The following TRAPPC10 variants were observed in gnomAD, a reference collection of about 807,000 sequenced individuals.
The protein encoded by TRAPPC10 is TRAPP 130 kDa subunit.
Under a neutral mutation model 125.5 loss-of-function variants are expected in TRAPPC10, and 23 were observed. The observed-to-expected ratio is 0.18, with a 90% CI of 0.13 to 0.26. The LOEUF (loss-of-function observed/expected upper bound fraction) is 0.26. TRAPPC10 is among the 10% of genes least tolerant of loss of function. The pLI is 1.00. For missense variants in TRAPPC10, 1,123 were observed against 1,308.4 expected, an observed-to-expected ratio of 0.86 and a Z score of 2.19; for synonymous variants, 509 against 518.0, an observed-to-expected ratio of 0.98 and a Z score of 0.24.
At position 44,063,642 on chromosome 21, in the gene TRAPPC10, C is replaced by T; in HGVS notation, c.895C>T (p.Arg299Ter). The T allele has an allele frequency of 6.2e-7, 1 of 1,614,196 alleles. No individual in the cohort carries two copies. Among genetic ancestry groups the T allele is most frequent in the African/African-American group, 1.3e-5 (1 of 75,046 alleles). The change falls in exon 7 of 23, where the codon CGA (arginine) becomes TGA (stop). Residue 299 changes from arginine to a stop codon, truncating the protein, a stop_gained. Coordinates refer to ENST00000291574, the MANE Select transcript of TRAPPC10 (RefSeq NM_003274.5). LOFTEE classifies it high-confidence loss of function. This position sits in a 1 kb window ranked among gnomAD's most constrained non-coding sequence, Gnocchi z 4.4. Reference protein sequence around the residue: ...DMEKRESIQRREATLLDLRSY... With the variant: ...DMEKRESIQR ...GGAGAAGCGGGAATCGATCCAGAGGCGAGAAGCCACCCTGTTAGATCTGCG... is the reference window on the plus strand; with the variant it reads ...GGAGAAGCGGGAATCGATCCAGAGGTGAGAAGCCACCCTGTTAGATCTGCG...
chr21:44,050,401 G>T (rs1178710212), intron 3 of TRAPPC10, among the ~76,000 whole-genome samples: 1 of 152,102 alleles, frequency 6.6e-6, no homozygotes, highest in African/African-American at 2.4e-5. Context: ...CTTCTGGGGT[G>T]GGGGTGGGGA....
At chr21:44,022,319 T>C (rs1230394158) in intron 1 of TRAPPC10, among the ~76,000 whole-genome samples, 1 of 149,760 alleles carries the variant, frequency 6.7e-6, no homozygotes, top group African/African-American at 2.4e-5. Context: ...ATTTCACTCT[T>C]GTTGCCCATG....
chr21:44,065,634 C>T (rs1034866988), intron 7 of TRAPPC10, among the ~76,000 whole-genome samples: 4 of 152,196 alleles, frequency 2.6e-5, no homozygotes, highest in South Asian at 4.1e-4. Flanking sequence ...CTTCCTGTTT[C>T]GTCATCTTCT....
At chr21:44,079,957 A>G in intron 12 of TRAPPC10, 58 bp from the exon 13 acceptor site, 3 of 1,480,136 alleles carry the variant, frequency 2.0e-6, no homozygotes, top group Non-Finnish European at 2.8e-6. Flanking sequence ...CTTTGCATCC[A>G]CTTCCCCCCG....
chr21:44,031,027 A>C (rs895640236), intron 1 of TRAPPC10, among the ~76,000 whole-genome samples: 1 of 152,198 alleles, frequency 6.6e-6, no homozygotes, highest in African/African-American at 2.4e-5. Context: ...AGGTGCAGTC[A>C]GCTGGTCAGT....
At chr21:44,089,365 G>C (rs1172474256) in intron 17 of TRAPPC10, 2 of 360,550 alleles carry the variant, frequency 5.5e-6, no homozygotes, top group African/African-American at 4.2e-5. Flanking sequence ...TTGGTTTTCA[G>C]TTACATATTC....
intron 2 of TRAPPC10, among the ~76,000 whole-genome samples, chr21:44,034,335 C>A (rs1370244244): frequency 3.0e-5 from 2 of 66,664 alleles, no homozygotes; most frequent in East Asian, 5.5e-4. Context: ...TCCCCCAACC[C>A]CCCCCCCCAC....
intron 1 of TRAPPC10, among the ~76,000 whole-genome samples, chr21:44,015,424 A>G (rs529699019): frequency 6.6e-6 from 1 of 152,104 alleles, no homozygotes; most frequent in South Asian, 2.1e-4. Flanking sequence ...TTTTATTATT[A>G]TTATTTTTTT....
intron 7 of TRAPPC10, among the ~76,000 whole-genome samples, chr21:44,071,691 T>C (rs923783506): frequency 1.1e-4 from 16 of 152,206 alleles, no homozygotes; most frequent in African/African-American, 3.4e-4. Context: ...TGTCTTTTTT[T>C]CCCCATAAAA....
At chr21:44,093,357 A>G (rs924062106) in intron 19 of TRAPPC10, among the ~76,000 whole-genome samples, 10 of 152,154 alleles carry the variant, frequency 6.6e-5, no homozygotes, top group African/African-American at 1.7e-4. Context: ...CAGGAAGCTG[A>G]GGTGAGAAGA....
intron 13 of TRAPPC10, among the ~76,000 whole-genome samples, chr21:44,081,280 C>T (rs997416806): frequency 3.9e-5 from 6 of 152,084 alleles, no homozygotes; most frequent in African/African-American, 1.4e-4. Flanking sequence ...CCCACCTCCA[C>T]CTCCTGTGTA....
intron 1 of TRAPPC10, among the ~76,000 whole-genome samples, chr21:44,023,502 C>T (rs2032765228): frequency 6.6e-6 from 1 of 152,042 alleles, no homozygotes; most frequent in South Asian, 2.1e-4. Flanking sequence ...GGTTGTTCTC[C>T]CTTTGGCCAG....
At chr21:44,017,065 C>T (rs2031949675) in intron 1 of TRAPPC10, among the ~76,000 whole-genome samples, 1 of 152,184 alleles carries the variant, frequency 6.6e-6, no homozygotes, top group Non-Finnish European at 1.5e-5. Flanking sequence ...CTTGAAATGT[C>T]TGTTTAAATG....
chr21:44,039,652 G>T (rs2034272706), intron 3 of TRAPPC10, among the ~76,000 whole-genome samples: 2 of 152,180 alleles, frequency 1.3e-5, no homozygotes, highest in South Asian at 4.1e-4. Flanking sequence ...GGGTCACAAG[G>T]TCAGGAGTTT....
intron 1 of TRAPPC10, among the ~76,000 whole-genome samples, chr21:44,024,969 C>T (rs149147939): frequency 4.7e-3 from 711 of 152,344 alleles, no homozygotes; most frequent in African/African-American, 0.016. Context: ...CACTTTCCCC[C>T]GGACTCCACT....
At chr21:44,095,816 G>A (rs1446127747) in intron 20 of TRAPPC10, among the ~76,000 whole-genome samples, 2 of 151,810 alleles carry the variant, frequency 1.3e-5, no homozygotes, top group Admixed American at 6.6e-5. Flanking sequence ...GATCCACCCC[G>A]CTTGGCCTCC....
rs1204059054 is a variant in TRAPPC10, at chr21:44,012,491, C to G, written c.-3C>G. 6.6e-7 allele frequency: 1 copy of G among 1,514,520 alleles called. No individual in the cohort carries two copies. Among genetic ancestry groups the G allele is most frequent in the Admixed American group, 2.0e-5 (1 of 48,914 alleles). 93.8% of individuals were successfully genotyped at this position (1,514,520 alleles called of 1,614,324 possible). A position where few individuals can be genotyped will look rare whatever the true frequency, so the allele number is the denominator to read the frequency against. ...GGGGCCGGGCCGGTGACGCCGGACG[C>G]CCATGGACGCCTCTGAGGAGCCGCT... On this transcript the variant is annotated 5_prime_UTR_variant, in exon 1 of 23. Coordinates refer to ENST00000291574, the MANE Select transcript of TRAPPC10 (RefSeq NM_003274.5).
intron 2 of TRAPPC10, among the ~76,000 whole-genome samples, chr21:44,036,233 A>G (rs537756994): frequency 2.0e-5 from 3 of 152,368 alleles, no homozygotes; most frequent in East Asian, 3.9e-4. Flanking sequence ...CCAAGTAGAC[A>G]GTTTCTAACA....
chr21:44,076,581 C>T lies in TRAPPC10; in HGVS notation c.1330C>T (p.Leu444=), dbSNP rs1266210549. 3 of 1,613,978 alleles carry T rather than the reference C, an allele frequency of 1.9e-6. No individual in the cohort carries two copies. Among genetic ancestry groups the T allele is most frequent in the Admixed American group, 3.3e-5 (2 of 60,008 alleles). ...CACAGCTCAGAGTCCTTATAAGAAA[C>T]TGAAAGAAGCATTATCGTCAGTGGA... ...ANTAQSPYKK[L]KEALSSVEAF... is the part of the protein sequence containing the mutation. The change falls in exon 10 of 23, where the codon CTG becomes TTG. Residue 444 remains leucine (L), a synonymous_variant. Coordinates refer to ENST00000291574, the MANE Select transcript of TRAPPC10 (RefSeq NM_003274.5).
Sources: allele counts gnomAD v4.1 joint callset (sites outside exome capture counted in the v4.1 genomes callset), GRCh38; gene constraint gnomAD v4.1.1; non-coding constraint Gnocchi (gnomAD v3.1); transcripts MANE v1.5; gene names NCBI Gene and HGNC (gene_info 2026-07-23, HGNC 2026-07-21).